The following CRPPA variants were observed in gnomAD, a reference collection of about 807,000 sequenced individuals.
CRPPA encodes the protein CDP-L-ribitol pyrophosphorylase A.
In CRPPA, 43 loss-of-function variants were observed where a neutral mutation model predicts 52.0. The observed-to-expected ratio is 0.83, with a 90% CI of 0.65 to 1.07. The LOEUF (loss-of-function observed/expected upper bound fraction) is 1.07, where lower values mean the gene tolerates loss of function less well. CRPPA is among the 50% of genes least tolerant of loss of function. The pLI is 0.00. For synonymous variants in CRPPA, 250 were observed against 203.5 expected (o/e 1.23, Z -1.94); for missense variants, 629 against 551.7 (o/e 1.14, Z -1.40).
intron 2 of CRPPA, among the ~76,000 whole-genome samples, chr7:16,396,903 T>C (rs1241727223): frequency 6.6e-6 from 1 of 152,214 alleles, no homozygotes; most frequent in South Asian, 2.1e-4. Context: ...GTGACACATG[T>C]GTGAAAGACA....
chr7:16,153,284 G>T lies in CRPPA; in HGVS notation c.1252-61485C>A, dbSNP rs1783111502. Reference sequence around the variant, plus strand: ...TGACATCAACACAACATAAATCAAGGGTCAACAAACCACAATCTGTGAGCA... The same window carrying T: ...TGACATCAACACAACATAAATCAAGTGTCAACAAACCACAATCTGTGAGCA... On this transcript the variant is annotated intron_variant, in intron 9 of 9. Coordinates refer to ENST00000407010, the MANE Select transcript of CRPPA (RefSeq NM_001101426.4). Among the ~76,000 whole-genome samples the T allele has an allele frequency of 2.6e-5, 4 of 151,578 alleles. No individual in the cohort carries two copies. In the South Asian group the frequency reaches 8.3e-4, roughly 32 times the overall value.
At chr7:16,327,661 AC>A (rs1424433944) in intron 3 of CRPPA, among the ~76,000 whole-genome samples, 1 of 151,792 alleles carries the variant, frequency 6.6e-6, no homozygotes, top group African/African-American at 2.4e-5. Flanking sequence ...TCAAGGAGAT[AC>A]ACATGCTCTT....
intron 3 of CRPPA, among the ~76,000 whole-genome samples, chr7:16,324,587 T>C (rs1447985572): frequency 6.6e-6 from 1 of 152,216 alleles, no homozygotes; most frequent in Non-Finnish European, 1.5e-5. Flanking sequence ...GCCACTACTT[T>C]GGCCCTTGCC....
At position 16,090,809 on chromosome 7, in the gene CRPPA, T is replaced by C. The variant is rs983798435; in HGVS notation, c.*886A>G. ...TTAAAGGACACCCATAATTATAACA[T>C]GCAAGGGAAAATATTAATATTTCAG... On this transcript the variant is annotated 3_prime_UTR_variant, in exon 10 of 10. Transcript: ENST00000407010. 6.6e-6 allele frequency: 1 copy of C among 152,064 alleles called. No individual in the cohort carries two copies. The highest frequency in any genetic ancestry group is 1.5e-5 in the Non-Finnish European group (1 of 68,008). 9.4% of individuals were successfully genotyped at this position (152,064 alleles called of 1,614,324 possible). A position where few individuals can be genotyped will look rare whatever the true frequency, so the allele number is the denominator to read the frequency against.
intron 9 of CRPPA, among the ~76,000 whole-genome samples, chr7:16,170,895 G>A (rs753554161): frequency 1.1e-4 from 17 of 152,218 alleles, no homozygotes; most frequent in Admixed American, 9.2e-4. Context: ...AGGCCCACCC[G>A]GAACTTGCAC....
intron 5 of CRPPA, among the ~76,000 whole-genome samples, chr7:16,299,422 T>A (rs1562616860): frequency 6.6e-6 from 1 of 152,132 alleles, no homozygotes; most frequent in African/African-American, 2.4e-5. Flanking sequence ...TGTCTGGAAT[T>A]TAATGTACAA....
chr7:16,162,650 T>G (rs566321171), intron 9 of CRPPA, among the ~76,000 whole-genome samples: 4 of 152,332 alleles, frequency 2.6e-5, no homozygotes, highest in African/African-American at 9.6e-5. Context: ...GAATGTATAT[T>G]CTGTTGACTT....
chr7:16,109,383 C>T (rs1309697974), intron 9 of CRPPA, among the ~76,000 whole-genome samples: 1 of 151,690 alleles, frequency 6.6e-6, no homozygotes, highest in African/African-American at 2.4e-5. Context: ...TAAGAAAAGA[C>T]CAATAACAAG....
chr7:16,223,440 G>A (rs571821940), intron 8 of CRPPA, among the ~76,000 whole-genome samples: 2 of 152,284 alleles, frequency 1.3e-5, no homozygotes, highest in Admixed American at 1.3e-4. Flanking sequence ...TCAACCTTAT[G>A]AAATGCATAA....
intron 5 of CRPPA, among the ~76,000 whole-genome samples, chr7:16,294,180 A>G (rs1008710440): frequency 3.3e-5 from 5 of 151,894 alleles, no homozygotes; most frequent in African/African-American, 1.2e-4. Flanking sequence ...TCATGAGGAT[A>G]TTTACCAAAT....
At chr7:16,376,346 C>T (rs1458034122) in intron 2 of CRPPA, 105 bp from the exon 3 acceptor site, 3 of 1,116,520 alleles carry the variant, frequency 2.7e-6, no homozygotes, top group African/African-American at 3.2e-5. Flanking sequence ...ATACCTTCAA[C>T]AAGCTACCTT....
At chr7:16,188,784 G>A in intron 9 of CRPPA, among the ~76,000 whole-genome samples, 1 of 152,062 alleles carries the variant, frequency 6.6e-6, no homozygotes, top group East Asian at 1.9e-4. Flanking sequence ...GCTTTCAAAA[G>A]AAATGTGCAT....
At chr7:16,095,682 T>C in intron 9 of CRPPA, among the ~76,000 whole-genome samples, 1 of 152,070 alleles carries the variant, frequency 6.6e-6, no homozygotes, top group East Asian at 1.9e-4. Context: ...TTTTCCAATC[T>C]ACAAAGAAGA....
At chr7:16,110,955 A>G (rs1385784677) in intron 9 of CRPPA, among the ~76,000 whole-genome samples, 2 of 152,156 alleles carry the variant, frequency 1.3e-5, no homozygotes, top group Non-Finnish European at 2.9e-5. Context: ...GATCAAACTC[A>G]AAAGGAAGCA....
intron 9 of CRPPA, among the ~76,000 whole-genome samples, chr7:16,168,429 A>T (rs1781111056): frequency 6.6e-6 from 1 of 152,094 alleles, no homozygotes; most frequent in Non-Finnish European, 1.5e-5. Flanking sequence ...GGATAAAACT[A>T]TTAAATTTAT....
At chr7:16,135,652 G>C (rs768424534) in intron 9 of CRPPA, among the ~76,000 whole-genome samples, 2 of 152,134 alleles carry the variant, frequency 1.3e-5, no homozygotes, top group Middle Eastern at 3.4e-3. Flanking sequence ...ATTCTACCAA[G>C]GTATGCAACT....
At chr7:16,126,691 G>A (rs2128371595) in intron 9 of CRPPA, among the ~76,000 whole-genome samples, 1 of 152,240 alleles carries the variant, frequency 6.6e-6, no homozygotes, top group East Asian at 1.9e-4. Context: ...AGCAGAATGA[G>A]TACAGGTGAA....
chr7:16,125,749 T>C (rs552482354), intron 9 of CRPPA, among the ~76,000 whole-genome samples: 72 of 152,256 alleles, frequency 4.7e-4, no homozygotes, highest in African/African-American at 1.7e-3. Flanking sequence ...CAGTATTTTA[T>C]TGTTGTAAGA....
chr7:16,296,867 C>T (rs1784685310), intron 5 of CRPPA, among the ~76,000 whole-genome samples: 1 of 152,164 alleles, frequency 6.6e-6, no homozygotes, highest in Non-Finnish European at 1.5e-5. Context: ...GAAGACTGTA[C>T]TATGTGCTTA....
Sources: gnomAD v4.1 joint callset for allele counts (sites outside exome capture counted in the v4.1 genomes callset) on GRCh38, gnomAD v4.1.1 for gene constraint, MANE v1.5 for transcripts, NCBI Gene and HGNC (gene_info 2026-07-23, HGNC 2026-07-21) for gene names.